The following EYS variants were observed in gnomAD, a reference collection of about 807,000 sequenced individuals.
EYS encodes the protein EGF-like photoreceptor maintenance factor.
Under a neutral mutation model 282.1 loss-of-function variants are expected in EYS, and 250 were observed. The observed-to-expected ratio is 0.89, with a 90% CI of 0.80 to 0.98. The LOEUF (loss-of-function observed/expected upper bound fraction) is 0.98, where lower values mean the gene tolerates loss of function less well. Among genes scored for constraint, EYS ranks in the 50% least tolerant of loss-of-function variants. The probability of loss-of-function intolerance (pLI) is 0.00; values close to 1 mark genes in which losing one functional copy is unlikely to be tolerated. For synonymous variants in EYS, 1,355 were observed against 1,282.9 expected (o/e 1.06, Z -1.20); for missense variants, 4,016 against 3,709.0 (o/e 1.08, Z -2.15).
chr6:64,241,205 C>CT lies in EYS; in HGVS notation c.6192-10382dup, dbSNP rs201392453. Among the ~76,000 whole-genome samples, 258 of 152,122 alleles carry CT rather than the reference C, an allele frequency of 1.7e-3. 4 individuals carry two copies. In the East Asian group the frequency reaches 0.018, roughly 11 times the overall value. On this transcript the variant is annotated intron_variant, in intron 30 of 42. Coordinates refer to ENST00000503581, the MANE Select transcript of EYS (RefSeq NM_001142800.2). The stretch of plus-strand genomic sequence containing the variant: ...ATCAGGGATATTGGCCTGAAATTTT[C>CT]TTTTTTTGTGTGTTTCTTTGCCAGG...
intron 22 of EYS, among the ~76,000 whole-genome samples, chr6:64,677,826 C>A (rs1470995712): frequency 6.6e-6 from 1 of 151,294 alleles, no homozygotes; most frequent in Non-Finnish European, 1.5e-5. Flanking sequence ...TACAATTTGT[C>A]TTAAAAAGAG....
chr6:65,395,829 CA>C (rs1216050273), intron 7 of EYS, among the ~76,000 whole-genome samples: 1 of 151,666 alleles, frequency 6.6e-6, no homozygotes, highest in African/African-American at 2.4e-5. Context: ...CTGAAATATA[CA>C]ATATTATAAC....
At chr6:64,497,991 T>A (rs1776940336) in intron 26 of EYS, among the ~76,000 whole-genome samples, 1 of 152,054 alleles carries the variant, frequency 6.6e-6, no homozygotes, top group African/African-American at 2.4e-5. Context: ...ACACACCAAG[T>A]TTTCAAACTT....
chr6:65,016,845 T>C (rs9345588), intron 13 of EYS, among the ~76,000 whole-genome samples: 87,083 of 151,936 alleles, frequency 0.57, 25,423 homozygotes, highest in Admixed American at 0.67. Flanking sequence ...TAAAGTTCTA[T>C]GAAAAGACAG....
chr6:64,278,096 T>C (rs938508812), intron 30 of EYS, among the ~76,000 whole-genome samples: 4 of 152,182 alleles, frequency 2.6e-5, no homozygotes, highest in South Asian at 2.1e-4. Flanking sequence ...TTCAGCATTA[T>C]AGCTCTTACA....
intron 31 of EYS, among the ~76,000 whole-genome samples, chr6:64,117,880 C>A (rs1395547509): frequency 6.6e-6 from 1 of 151,770 alleles, no homozygotes; most frequent in Admixed American, 6.6e-5. Flanking sequence ...AATCAACATA[C>A]AAAAATAAGT....
intron 22 of EYS, among the ~76,000 whole-genome samples, chr6:64,629,787 G>A (rs1767722378): frequency 6.6e-6 from 1 of 152,126 alleles, no homozygotes. Context: ...AAAAATAGTA[G>A]AGGGTTTTCT....
intron 5 of EYS, among the ~76,000 whole-genome samples, chr6:65,431,650 T>G (rs1341637443): frequency 6.6e-6 from 1 of 152,126 alleles, no homozygotes; most frequent in Non-Finnish European, 1.5e-5. Flanking sequence ...AAAAAATTGC[T>G]CAAATTATAT....
At chr6:63,796,866 A>T (rs1770657000) in intron 37 of EYS, among the ~76,000 whole-genome samples, 1 of 152,238 alleles carries the variant, frequency 6.6e-6, no homozygotes, top group Non-Finnish European at 1.5e-5. Flanking sequence ...AGTGACAAGT[A>T]AATTTTCCTT....
At chr6:65,598,267 T>A (rs1353308272) in intron 2 of EYS, among the ~76,000 whole-genome samples, 1 of 106,478 alleles carries the variant, frequency 9.4e-6, no homozygotes. Flanking sequence ...AAACAAAAAC[T>A]TTTCTCTCCT....
chr6:64,168,260 C>CAATAAATAAATAAATAAATA lies in EYS; in HGVS notation c.6424+62312_6424+62331dup, dbSNP rs377467664. Among the ~76,000 whole-genome samples, 1,370 of 151,356 alleles carry CAATAAATAAATAAATAAATA rather than the reference C, an allele frequency of 9.1e-3. 19 individuals carry two copies. The highest frequency in any genetic ancestry group is 0.031 in the African/African-American group (1,279 of 40,888). On this transcript the variant is annotated intron_variant, in intron 31 of 42. Coordinates refer to ENST00000503581, the MANE Select transcript of EYS (RefSeq NM_001142800.2). ...TGGGCGACAGAGCGAAACTCCATTT[C>CAATAAATAAATAAATAAATA]AATAAATAAATAAATAAATAAATAA...
chr6:64,512,492 G>A (rs1188575931), intron 26 of EYS, among the ~76,000 whole-genome samples: 1 of 151,952 alleles, frequency 6.6e-6, no homozygotes, highest in Admixed American at 6.6e-5. Flanking sequence ...CCAGGGGAAG[G>A]GGGAGGGGGC....
chr6:64,872,985 A>C (rs1177834533), intron 19 of EYS, among the ~76,000 whole-genome samples: 1 of 152,094 alleles, frequency 6.6e-6, no homozygotes, highest in African/African-American at 2.4e-5. Flanking sequence ...TAAGAGATGA[A>C]ATGCTAAAGA....
intron 19 of EYS, among the ~76,000 whole-genome samples, chr6:64,852,927 C>T (rs762673458): frequency 5.9e-5 from 9 of 152,104 alleles, no homozygotes; most frequent in Non-Finnish European, 1.0e-4. Context: ...TGTTTTAAAT[C>T]ACCCAGTTTC....
At chr6:65,245,221 TAAAG>T (rs947248363) in intron 12 of EYS, among the ~76,000 whole-genome samples, 1 of 152,108 alleles carries the variant, frequency 6.6e-6, no homozygotes, top group African/African-American at 2.4e-5. Context: ...AATATGTAAA[TAAAG>T]AAAACGTAAC....
chr6:64,018,590 A>G (rs1407392471), intron 33 of EYS, among the ~76,000 whole-genome samples: 1 of 152,062 alleles, frequency 6.6e-6, no homozygotes, highest in Non-Finnish European at 1.5e-5. Context: ...TGTCTAGCAT[A>G]TGGTAGAAAA....
chr6:65,454,412 T>G (rs1178047569), intron 5 of EYS, among the ~76,000 whole-genome samples: 1 of 152,064 alleles, frequency 6.6e-6, no homozygotes, highest in Non-Finnish European at 1.5e-5. Context: ...AAATCCTTTG[T>G]TAGATGTATA....
chr6:64,635,390 T>C (rs1202097005), intron 22 of EYS, among the ~76,000 whole-genome samples: 1 of 152,200 alleles, frequency 6.6e-6, no homozygotes, highest in Non-Finnish European at 1.5e-5. Flanking sequence ...AGGGCATCCC[T>C]GTCTTGTGCC....
chr6:65,235,426 A>G (rs541487616), intron 12 of EYS, among the ~76,000 whole-genome samples: 1 of 152,302 alleles, frequency 6.6e-6, no homozygotes, highest in African/African-American at 2.4e-5. Flanking sequence ...CACAATAAGG[A>G]AAAAAGCTAT....
Sources: gnomAD v4.1 joint callset for allele counts (sites outside exome capture counted in the v4.1 genomes callset) on GRCh38, gnomAD v4.1.1 for gene constraint, MANE v1.5 for transcripts, NCBI Gene and HGNC (gene_info 2026-07-23, HGNC 2026-07-21) for gene names.